Variants in TXN observed in about 807,000 individuals in gnomAD.
TXN encodes the protein thioredoxin.
Under a neutral mutation model 16.5 loss-of-function variants are expected in TXN, and 10 were observed. That is an observed-to-expected ratio of 0.61 (90% CI 0.37 to 1.03). The LOEUF is 1.03. Ranked by LOEUF, TXN falls within the 50% of genes least tolerant of loss-of-function variation. The pLI, the probability that TXN is intolerant of heterozygous loss-of-function variation, is 0.01. For synonymous variants in TXN, 35 were observed against 39.4 expected (o/e 0.89, Z 0.42); for missense variants, 71 against 122.5 (o/e 0.58, Z 1.98).
chr9:110,245,784 C>T (rs1303727511), intron 3 of TXN, among the ~76,000 whole-genome samples: 1 of 150,368 alleles, frequency 6.7e-6, no homozygotes, highest in Non-Finnish European at 1.5e-5. Flanking sequence ...TGAGCCACCA[C>T]ACTCAGCCTC....
chr9:110,254,863 C>G, intron 1 of TXN, among the ~76,000 whole-genome samples: 1 of 152,152 alleles, frequency 6.6e-6, no homozygotes. Context: ...CTGAGGTTGC[C>G]AGACCCTGGA....
intron 3 of TXN, among the ~76,000 whole-genome samples, chr9:110,245,654 ATTT>A (rs1228829953): frequency 2.8e-3 from 62 of 21,758 alleles, no homozygotes; most frequent in South Asian, 7.3e-3. Context: ...ATATATATAT[ATTT>A]TTTTTTTTTT....
intron 3 of TXN, among the ~76,000 whole-genome samples, chr9:110,248,878 C>T (rs966022040): frequency 6.6e-6 from 1 of 151,826 alleles, no homozygotes; most frequent in African/African-American, 2.4e-5. Flanking sequence ...TTTGGGAGGC[C>T]GAGGTGGGTG....
intron 3 of TXN, among the ~76,000 whole-genome samples, chr9:110,245,646 A>ATTTT (rs1268499168): frequency 2.1e-4 from 6 of 27,936 alleles, no homozygotes; most frequent in Admixed American, 5.0e-4. Flanking sequence ...ATATATATAT[A>ATTTT]TATATATATT....
chr9:110,249,320 A>C (rs1431484984), intron 3 of TXN, among the ~76,000 whole-genome samples: 11 of 144,496 alleles, frequency 7.6e-5, no homozygotes, highest in Admixed American at 2.8e-4. Context: ...AAAAAAAAAA[A>C]CAACTCTGGG....
chr9:110,244,085 T>C lies in TXN; in HGVS notation c.*72A>G. 1.1e-6 allele frequency: 1 copy of C among 910,262 alleles called. No homozygotes were observed. The highest frequency in any genetic ancestry group is 1.5e-6 in the Non-Finnish European group (1 of 648,166). The allele number at this position is 910,262 out of a possible 1,614,324, so 56.4% of individuals were successfully genotyped here. On this transcript the variant is annotated 3_prime_UTR_variant, in exon 5 of 5. Transcript: ENST00000374517. ...CAACTGGGTTTATGTCTTCATATTT[T>C]ATATTTTTGTAAATTAAAAAAATTA...
At chr9:110,252,228 A>AAG (rs1223756261) in intron 1 of TXN, among the ~76,000 whole-genome samples, 2 of 120,514 alleles carry the variant, frequency 1.7e-5, no homozygotes, top group African/African-American at 5.7e-5. Flanking sequence ...TGTCGCAAAA[A>AAG]AAAAAAAAAA....
chr9:110,254,942 GA>G (rs1185243901), intron 1 of TXN, among the ~76,000 whole-genome samples: 6 of 152,088 alleles, frequency 3.9e-5, no homozygotes, highest in African/African-American at 9.6e-5. Context: ...TAGGTGCTTG[GA>G]AAAAAAGTAT....
chr9:110,254,657 T>C lies in TXN; in HGVS notation c.24+1755A>G, dbSNP rs188860634. Among the ~76,000 whole-genome samples, 1,259 of 152,386 alleles carry C rather than the reference T, an allele frequency of 8.3e-3. 16 individuals are homozygous for C. Among genetic ancestry groups the C allele is most frequent in the South Asian group, 0.024 (117 of 4,834 alleles). On this transcript the variant is annotated intron_variant, in intron 1 of 4. Coordinates refer to ENST00000374517, the MANE Select transcript of TXN (RefSeq NM_003329.4). ...GCTGTAGTGCTTTTTTTAAAGTTCC[T>C]GTCACCCTTGTACACCTTTGTCACT...
chr9:110,251,339 G>A lies in TXN; in HGVS notation c.129+19C>T, dbSNP rs909861031. On this transcript the variant is annotated intron_variant, in intron 2 of 4. Coordinates refer to ENST00000374517, the MANE Select transcript of TXN (RefSeq NM_003329.4). Reference sequence around the variant, plus strand: ...AAAAACACAAATCTCTTACAAAGCAGACATTGTTTAATACTCACATGAAAG... The same window carrying A: ...AAAAACACAAATCTCTTACAAAGCAAACATTGTTTAATACTCACATGAAAG... 6.4e-7 allele frequency: 1 copy of A among 1,552,234 alleles called. No homozygotes were observed. Among genetic ancestry groups the A allele is most frequent in the South Asian group, 1.1e-5 (1 of 89,758 alleles).
intron 3 of TXN, among the ~76,000 whole-genome samples, chr9:110,249,308 A>T (rs28711451): frequency 0.01 from 428 of 40,908 alleles, 2 homozygotes; most frequent in African/African-American, 0.03. Context: ...CACTCTTTTT[A>T]AAAAAAAAAA....
chr9:110,255,957 G>T (rs1837803865), intron 1 of TXN, among the ~76,000 whole-genome samples: 1 of 152,156 alleles, frequency 6.6e-6, no homozygotes, highest in African/African-American at 2.4e-5. Flanking sequence ...CCTTGCCTGG[G>T]GCCTGAATCT....
At chr9:110,244,534 C>A (rs1406091007) in intron 4 of TXN, among the ~76,000 whole-genome samples, 2 of 152,016 alleles carry the variant, frequency 1.3e-5, no homozygotes, top group African/African-American at 2.4e-5. Context: ...AAATGAACTG[C>A]CCAAGTCTAA....
At chr9:110,245,618 CTATATA>C (rs1170640168) in intron 3 of TXN, among the ~76,000 whole-genome samples, 2,556 of 30,824 alleles carry the variant, frequency 0.083, 349 homozygotes, top group South Asian at 0.1. Context: ...CACACACACA[CTATATA>C]TATATATATA....
intron 3 of TXN, among the ~76,000 whole-genome samples, chr9:110,248,844 G>A (rs550867390): frequency 2.6e-5 from 4 of 152,206 alleles, no homozygotes; most frequent in African/African-American, 4.8e-5. Context: ...AATCAAGGCC[G>A]GGCGTGGTGG....
chr9:110,247,181 G>A (rs925007009), intron 3 of TXN, among the ~76,000 whole-genome samples: 1 of 152,222 alleles, frequency 6.6e-6, no homozygotes, highest in African/African-American at 2.4e-5. Context: ...AATTTAGCCT[G>A]GTGTGGTAGC....
chr9:110,253,895 A>T (rs1251188376), intron 1 of TXN, among the ~76,000 whole-genome samples: 1 of 152,182 alleles, frequency 6.6e-6, no homozygotes, highest in Non-Finnish European at 1.5e-5. Flanking sequence ...ATCTGGGGGA[A>T]GCAGAACAGT....
At chr9:110,252,156 G>T (rs1326032656) in intron 1 of TXN, among the ~76,000 whole-genome samples, 1 of 146,912 alleles carries the variant, frequency 6.8e-6, no homozygotes, top group African/African-American at 2.5e-5. Context: ...CTCAGGAGGC[G>T]GAGGTTGCAG....
In TXN at chr9:110,256,436, C is replaced by T. The variant is rs765080929; in HGVS notation, c.-1G>A. 25 of 1,607,290 alleles carry T rather than the reference C, an allele frequency of 1.6e-5. No homozygotes were observed. In the East Asian group the frequency reaches 5.4e-4, roughly 35 times the overall value. ...CCTTGCTCTCGATCTGCTTCACCAT[C>T]TTGGCTGCTGGAGTCTGACGAGCGG... On this transcript the variant is annotated 5_prime_UTR_variant, in exon 1 of 5. Transcript: ENST00000374517. This position sits in a 1 kb window ranked among gnomAD's most constrained non-coding sequence, Gnocchi z 4.2.
Sources: allele counts gnomAD v4.1 joint callset (sites outside exome capture counted in the v4.1 genomes callset), GRCh38; gene constraint gnomAD v4.1.1; non-coding constraint Gnocchi (gnomAD v3.1); transcripts MANE v1.5; gene names NCBI Gene and HGNC (gene_info 2026-07-23, HGNC 2026-07-21).